Variants in BCL6 observed in about 807,000 individuals in gnomAD.
BCL6 encodes BCL6 transcription repressor, also known as B-cell lymphoma 6 protein.
Under a neutral mutation model 59.5 loss-of-function variants are expected in BCL6, and 7 were observed. The observed-to-expected ratio is 0.12, with a 90% CI of 0.07 to 0.22. The LOEUF is 0.22. BCL6 is among the 10% of genes least tolerant of loss of function. The pLI is 1.00. For missense variants in BCL6, 685 were observed against 939.4 expected, an observed-to-expected ratio of 0.73 and a Z score of 3.54; for synonymous variants, 339 against 349.7, an observed-to-expected ratio of 0.97 and a Z score of 0.34.
chr3:187,743,577 G>A (rs1711702223), intron 1 of BCL6, among the ~76,000 whole-genome samples: 3 of 152,160 alleles, frequency 2.0e-5, no homozygotes, highest in South Asian at 2.1e-4. Context: ...CCATGGGGGA[G>A]CTTTAAAACT....
intron 1 of BCL6, among the ~76,000 whole-genome samples, chr3:187,744,915 C>T (rs537848587): frequency 1.3e-5 from 2 of 152,194 alleles, no homozygotes; most frequent in South Asian, 4.2e-4. Context: ...AGAGCGAGAG[C>T]GCGAGCGCGC....
intron 5 of BCL6, 122 bp downstream of exon 5, chr3:187,728,928 A>G (rs1579810553): frequency 1.5e-6 from 2 of 1,325,852 alleles, no homozygotes; most frequent in South Asian, 1.7e-5. Flanking sequence ...GACTAACTCA[A>G]TCTATAGGCA....
chr3:187,729,550 G>A lies in BCL6; in HGVS notation c.855C>T (p.Ala285=). Residue 285 remains alanine (A), a synonymous_variant, in exon 5 of 10, where the codon GCC becomes GCT. Transcript: ENST00000406870. This position sits in a 1 kb window ranked among gnomAD's most constrained non-coding sequence, Gnocchi z 5.6. ...AGTAGGGGGCATTTCGGGCTGAGGG[G>A]GCAGCAGGTTTGAGGCCCTCAGCCA... is the stretch of plus-strand genomic sequence containing the variant. The part of the protein sequence containing the change: ...YSVAEGLKPA[A]PSARNAPYFP... 2 of 1,613,952 alleles carry A rather than the reference G, an allele frequency of 1.2e-6. No individual in the cohort carries two copies. Among genetic ancestry groups the A allele is most frequent in the Non-Finnish European group, 1.7e-6 (2 of 1,180,016 alleles).
chr3:187,726,652 C>A, intron 7 of BCL6, 79 bp downstream of exon 7: 2 of 1,556,794 alleles, frequency 1.3e-6, no homozygotes, highest in Non-Finnish European at 8.7e-7. Context: ...CCAGGCCCCA[C>A]ACAGCTTTCT....
In BCL6 at chr3:187,722,308, CGACCCCCA is replaced by C; in HGVS notation, c.*142_*149del. On this transcript the variant is annotated 3_prime_UTR_variant, in exon 10 of 10. Coordinates refer to ENST00000406870, the MANE Select transcript of BCL6 (RefSeq NM_001706.5). The stretch of plus-strand genomic sequence containing the variant: ...CTGCGGCTCCCAGTCCCCCAGGCCC[CGACCCCCA>C]CCACCCCCAACCCCCAGCTATGATT... 6.4e-6 allele frequency: 2 copies of C among 313,140 alleles called. No individual in the cohort carries two copies. The highest frequency in any genetic ancestry group is 5.6e-6 in the Non-Finnish European group (1 of 177,018). The allele number at this position is 313,140 out of a possible 1,614,324, so 19.4% of individuals were successfully genotyped here.
chr3:187,729,619 C>T lies in BCL6; in HGVS notation c.786G>A (p.Lys262=). ...TTCGTGCCTCTTCTGGGATTGTTTC[C>T]TTGGGTGAATAGATATTGCTGTGGC... The part of the protein sequence containing the change: ...NVCHSNIYSP[K]ETIPEEARSD... Residue 262 remains lysine, a synonymous_variant, in exon 5 of 10, where the codon AAG becomes AAA. Transcript: ENST00000406870. The surrounding 1 kb of genome is among the most constrained non-coding windows in gnomAD (Gnocchi z 5.6). The T allele has an allele frequency of 6.2e-7, 1 of 1,614,142 alleles. No individual in the cohort carries two copies. Among genetic ancestry groups the T allele is most frequent in the Non-Finnish European group, 8.5e-7 (1 of 1,180,030 alleles).
At chr3:187,741,444 C>G (rs535077620) in intron 1 of BCL6, among the ~76,000 whole-genome samples, 2 of 152,030 alleles carry the variant, frequency 1.3e-5, no homozygotes, top group Non-Finnish European at 2.9e-5. Flanking sequence ...GAAAGGGGCG[C>G]TGGGGGCCGA....
At chr3:187,730,145 C>G in intron 4 of BCL6, 124 bp from the exon 5 acceptor site, 1 of 1,317,826 alleles carries the variant, frequency 7.6e-7, no homozygotes. Context: ...TGACGTGGCT[C>G]TGGAGCAGGG....
At chr3:187,744,934 C>G (rs80031434) in intron 1 of BCL6, among the ~76,000 whole-genome samples, 15,199 of 152,214 alleles carry the variant, frequency 0.1, 825 homozygotes, top group East Asian at 0.2. Context: ...GCGTCCTCTC[C>G]GCGGTCTGGG....
intron 5 of BCL6, among the ~76,000 whole-genome samples, chr3:187,728,747 C>G (rs899646722): frequency 6.6e-6 from 1 of 152,120 alleles, no homozygotes; most frequent in African/African-American, 2.4e-5. Context: ...AGAGCTTCCC[C>G]GCAGCCCACA....
At chr3:187,737,970 C>T (rs958844418) in intron 1 of BCL6, 8 of 151,866 alleles carry the variant, frequency 5.3e-5, no homozygotes, top group African/African-American at 1.9e-4. Flanking sequence ...CGCTGGCCGC[C>T]GGGGATTCAC....
rs2108557604 is a variant in BCL6, at chr3:187,725,538, C to T, written c.1800G>A (p.Lys600=). 1 of 1,614,222 alleles carries T rather than the reference C, an allele frequency of 6.2e-7. No homozygotes were observed. Among genetic ancestry groups the T allele is most frequent in the African/African-American group, 1.3e-5 (1 of 75,058 alleles). ...KTHTRIHSGE[K]PYKCETCGAR... is the part of the protein sequence containing the mutation. ...CTCCGCAGGTTTCGCATTTGTAGGG[C>T]TTCTCTCCAGAGTGAATTCGAGTGT... Residue 600 remains lysine, a synonymous_variant, in exon 8 of 10, where the codon AAG becomes AAA. Transcript: ENST00000406870. The surrounding 1 kb of genome is among the most constrained non-coding windows in gnomAD (Gnocchi z 4.7).
chr3:187,745,247 C>T (rs189043889), intron 1 of BCL6, among the ~76,000 whole-genome samples, 163 bp downstream of exon 1: 16 of 151,760 alleles, frequency 1.1e-4, no homozygotes, highest in South Asian at 6.3e-4. Context: ...TCAATAGATA[C>T]ACATAGAAAA....
rs1242514050 is a variant in BCL6, at chr3:187,726,789, G to T, written c.1650C>A (p.Arg550=). The change falls in exon 7 of 10, where the codon CGC becomes CGA. Residue 550 remains arginine, a synonymous_variant. Transcript: ENST00000406870. ...CCTTGTAGCGGAAGGAGGCCTGGCA[G>T]CGGTCACACTTGTAGGGTTTGTCAC... ...THSDKPYKCD[R]CQASFRYKGN... 1 of 1,614,216 alleles carries T rather than the reference G, an allele frequency of 6.2e-7. No individual in the cohort carries two copies. Among genetic ancestry groups the T allele is most frequent in the Admixed American group, 1.7e-5 (1 of 60,032 alleles).
intron 1 of BCL6, among the ~76,000 whole-genome samples, chr3:187,744,707 GCCTCCCTTTTT>G: frequency 6.6e-6 from 1 of 152,224 alleles, no homozygotes; most frequent in Non-Finnish European, 1.5e-5. Flanking sequence ...CGAGCGGGCA[GCCTCCCTTTTT>G]GCCTCCCGGA....
chr3:187,734,630 T>C (rs897653796), intron 2 of BCL6: 5 of 152,354 alleles, frequency 3.3e-5, no homozygotes, highest in African/African-American at 1.2e-4. Context: ...ATATTGTTGG[T>C]GAACATTAGC....
At chr3:187,741,553 C>T (rs1579828282) in intron 1 of BCL6, among the ~76,000 whole-genome samples, 1 of 140,008 alleles carries the variant, frequency 7.1e-6, no homozygotes, top group Non-Finnish European at 1.6e-5. Flanking sequence ...GAGTGGACAT[C>T]GGGAGGGTTG....
chr3:187,745,228 A>C (rs577316597), intron 1 of BCL6, among the ~76,000 whole-genome samples, 182 bp downstream of exon 1: 4 of 152,254 alleles, frequency 2.6e-5, no homozygotes, highest in East Asian at 3.9e-4. Flanking sequence ...ATAAATATAT[A>C]CATTTATATC....
At chr3:187,744,430 A>T in intron 1 of BCL6, among the ~76,000 whole-genome samples, 1 of 152,022 alleles carries the variant, frequency 6.6e-6, no homozygotes, top group Non-Finnish European at 1.5e-5. Context: ...AGAAAGAATA[A>T]TTTTCAAAGT....
Sources: gnomAD v4.1 joint callset for allele counts (sites outside exome capture counted in the v4.1 genomes callset) on GRCh38, gnomAD v4.1.1 for gene constraint, Gnocchi (gnomAD v3.1) non-coding constraint, MANE v1.5 for transcripts, NCBI Gene and HGNC (gene_info 2026-07-23, HGNC 2026-07-21) for gene names.